The following PCLO variants were observed in gnomAD, a reference collection of about 807,000 sequenced individuals.
The protein encoded by PCLO is piccolo presynaptic cytomatrix protein, also known as protein piccolo.
A neutral mutation model predicts 427.5 loss-of-function variants in PCLO; 82 were observed. That is an observed-to-expected ratio of 0.19 (90% CI 0.16 to 0.23). The LOEUF is 0.23. Among genes scored for constraint, PCLO ranks in the 10% least tolerant of loss-of-function variants. The probability of loss-of-function intolerance (pLI) is 1.00; values close to 1 mark genes in which losing one functional copy is unlikely to be tolerated. For synonymous variants in PCLO, 2,357 were observed against 2,155.4 expected (o/e 1.09, Z -2.59); for missense variants, 6,239 against 6,115.9 (o/e 1.02, Z -0.67).
intron 3 of PCLO, among the ~76,000 whole-genome samples, chr7:82,977,581 T>A (rs573446979): frequency 9.9e-5 from 15 of 151,594 alleles, no homozygotes; most frequent in Admixed American, 2.0e-4. Flanking sequence ...CCCAGCTAAT[T>A]TTTTGTATTT....
chr7:82,924,107 C>T (rs1584161289), intron 6 of PCLO, among the ~76,000 whole-genome samples: 1 of 151,992 alleles, frequency 6.6e-6, no homozygotes, highest in African/African-American at 2.4e-5. Flanking sequence ...TGATGAGAAT[C>T]CTACTATTTG....
At position 83,116,218 on chromosome 7, in the gene PCLO, A is replaced by C. The variant is rs374277751; in HGVS notation, c.3300+18032T>G. On this transcript the variant is annotated intron_variant, in intron 3 of 24. Coordinates refer to ENST00000333891, the MANE Select transcript of PCLO (RefSeq NM_033026.6). Reference sequence around the variant, plus strand: ...TTAGGCAGATTTCTATAATTCAAAGAGTAATCTCAGAGTCATGTTCACAAA... The same window carrying C: ...TTAGGCAGATTTCTATAATTCAAAGCGTAATCTCAGAGTCATGTTCACAAA... Among the ~76,000 whole-genome samples, 20 of 152,182 alleles carry C rather than the reference A, an allele frequency of 1.3e-4. No individual in the cohort carries two copies. The East Asian group carries it at 3.9e-3, about 29-fold the overall frequency.
intron 3 of PCLO, among the ~76,000 whole-genome samples, chr7:83,067,836 T>C (rs2116340103): frequency 7.0e-6 from 1 of 143,282 alleles, no homozygotes; most frequent in Non-Finnish European, 1.5e-5. Flanking sequence ...ATACAACAAA[T>C]CCCTCCTGTG....
At chr7:82,990,865 C>A (rs1463545207) in intron 3 of PCLO, among the ~76,000 whole-genome samples, 1 of 151,832 alleles carries the variant, frequency 6.6e-6, no homozygotes, top group Non-Finnish European at 1.5e-5. Flanking sequence ...ATAAGATCAC[C>A]CCCAATGTCA....
At chr7:83,151,689 T>C (rs1250079645) in intron 2 of PCLO, among the ~76,000 whole-genome samples, 1 of 152,206 alleles carries the variant, frequency 6.6e-6, no homozygotes, top group African/African-American at 2.4e-5. Context: ...TGAAGATAGC[T>C]GTAATATCCC....
intron 3 of PCLO, among the ~76,000 whole-genome samples, chr7:83,125,295 C>T (rs1434591135): frequency 6.6e-6 from 1 of 152,070 alleles, no homozygotes; most frequent in Non-Finnish European, 1.5e-5. Flanking sequence ...CGGCCGCCGC[C>T]CCCTCTGGAA....
At chr7:82,782,536 T>C (rs1790895049) in intron 22 of PCLO, among the ~76,000 whole-genome samples, 1 of 152,206 alleles carries the variant, frequency 6.6e-6, no homozygotes, top group Non-Finnish European at 1.5e-5. Flanking sequence ...CAACATATGC[T>C]TAGCCAGAAG....
At chr7:82,992,624 G>C (rs1796404056) in intron 3 of PCLO, among the ~76,000 whole-genome samples, 1 of 151,932 alleles carries the variant, frequency 6.6e-6, no homozygotes, top group South Asian at 2.1e-4. Context: ...GAGAGCATTA[G>C]GACAAATATC....
chr7:82,877,343 A>C (rs977913343), intron 10 of PCLO, among the ~76,000 whole-genome samples: 1 of 152,156 alleles, frequency 6.6e-6, no homozygotes, highest in Non-Finnish European at 1.5e-5. Flanking sequence ...GCCAAATGAT[A>C]CTAGACACAG....
rs532445424 is a variant in PCLO, at chr7:83,004,133, A to G, written c.3301-37646T>C. On this transcript the variant is annotated intron_variant, in intron 3 of 24. Coordinates refer to ENST00000333891, the MANE Select transcript of PCLO (RefSeq NM_033026.6). ...TGAAACGTCTATCAAAATTCCAGTG[A>G]CATTTTCCACAGAAATGGAACAAAA... Among the ~76,000 whole-genome samples the G allele has an allele frequency of 2.0e-5, 3 of 151,850 alleles. No homozygotes were observed. In the East Asian group the frequency reaches 5.8e-4, roughly 29 times the overall value.
chr7:83,101,312 A>G (rs1419546832), intron 3 of PCLO, among the ~76,000 whole-genome samples: 2 of 150,356 alleles, frequency 1.3e-5, no homozygotes, highest in African/African-American at 2.4e-5. Flanking sequence ...AGGAAAGCTA[A>G]TATGTCAACG....
At chr7:82,946,962 G>C (rs1023513954) in intron 6 of PCLO, among the ~76,000 whole-genome samples, 4 of 152,170 alleles carry the variant, frequency 2.6e-5, no homozygotes, top group African/African-American at 9.6e-5. Flanking sequence ...ATAGCCACAG[G>C]AAGTAAATCC....
chr7:83,087,159 C>T (rs1161326601), intron 3 of PCLO, among the ~76,000 whole-genome samples: 2 of 150,920 alleles, frequency 1.3e-5, no homozygotes, highest in African/African-American at 4.9e-5. Flanking sequence ...CAACATGGCA[C>T]ATGTATACAC....
chr7:83,038,687 C>G lies in PCLO; in HGVS notation c.3301-72200G>C, dbSNP rs966064763. On this transcript the variant is annotated intron_variant, in intron 3 of 24. Coordinates refer to ENST00000333891, the MANE Select transcript of PCLO (RefSeq NM_033026.6). ...CTATCATGAATAGTGCTACTAAAAA[C>G]ATTCATTTGCAAGATTTGTGTGAAC... 6.6e-5 allele frequency among the ~76,000 whole-genome samples: 10 copies of G among 152,018 alleles called. No individual in the cohort carries two copies. The East Asian group carries it at 1.9e-3, about 29-fold the overall frequency.
chr7:82,905,075 C>T (rs941353164), intron 8 of PCLO, among the ~76,000 whole-genome samples: 37 of 152,030 alleles, frequency 2.4e-4, no homozygotes, highest in African/African-American at 8.2e-4. Flanking sequence ...GTGTTGCTAA[C>T]GCCAAATAAG....
In PCLO at chr7:83,135,422, G is replaced by C. The variant is rs935942668; in HGVS notation, c.2128C>G (p.Pro710Ala). Residue 710 changes from proline (P) to alanine (A), a missense_variant, in exon 3 of 25, where the codon CCA (proline) becomes GCA (alanine). By Grantham distance (27) the Pro-to-Ala change is conservative. Transcript: ENST00000333891. ...PKKPPPLVKQ[P>A]TLHGSPSAKA... ...GCTGAAGGAGAGCCATGAAGGGTTGGTTGTTTCACTAGTGGTGGTGGCTTT... is the reference window on the plus strand; with the variant it reads ...GCTGAAGGAGAGCCATGAAGGGTTGCTTGTTTCACTAGTGGTGGTGGCTTT... 3.1e-6 allele frequency: 5 copies of C among 1,613,930 alleles called. No individual in the cohort carries two copies. The highest frequency in any genetic ancestry group is 1.1e-5 in the South Asian group (1 of 91,082).
At chr7:82,977,126 C>T (rs1796035082) in intron 3 of PCLO, among the ~76,000 whole-genome samples, 1 of 151,914 alleles carries the variant, frequency 6.6e-6, no homozygotes, top group African/African-American at 2.4e-5. Context: ...AGAACAGTGC[C>T]AATATTATCT....
intron 3 of PCLO, among the ~76,000 whole-genome samples, chr7:83,061,930 T>C (rs1342921338): frequency 6.6e-6 from 1 of 152,156 alleles, no homozygotes; most frequent in Non-Finnish European, 1.5e-5. Context: ...AGGTCATGTA[T>C]TTCAAACCTT....
At chr7:83,148,726 GTTGA>G (rs1357974277) in intron 2 of PCLO, among the ~76,000 whole-genome samples, 44 of 151,814 alleles carry the variant, frequency 2.9e-4, no homozygotes, top group Admixed American at 1.4e-3. Context: ...TTCCTATGAG[GTTGA>G]TTGTTATTTT....
Sources: gnomAD v4.1 joint callset for allele counts (sites outside exome capture counted in the v4.1 genomes callset) on GRCh38, gnomAD v4.1.1 for gene constraint, MANE v1.5 for transcripts, NCBI Gene and HGNC (gene_info 2026-07-23, HGNC 2026-07-21) for gene names.